The following WFDC1 variants were observed in gnomAD, a reference collection of about 807,000 sequenced individuals.
The protein encoded by WFDC1 is WAP four-disulfide core domain protein 1.
A neutral mutation model predicts 32.9 loss-of-function variants in WFDC1; 39 were observed. The observed-to-expected ratio is 1.19, with a 90% CI of 0.92 to 1.55. WFDC1 has a LOEUF of 1.55. Among genes scored for constraint, WFDC1 ranks in the 40% most tolerant of loss-of-function variants. The pLI, the probability that WFDC1 is intolerant of heterozygous loss-of-function variation, is 0.00. For missense variants in WFDC1, 386 were observed against 309.5 expected (o/e 1.25, Z -1.85); for synonymous variants, 184 against 137.4 (o/e 1.34, Z -2.37).
intron 1 of WFDC1, among the ~76,000 whole-genome samples, chr16:84,310,505 C>T (rs542162742): frequency 1.4e-5 from 2 of 140,812 alleles, no homozygotes; most frequent in East Asian, 1.9e-4. Context: ...AGAATGTGTA[C>T]ATGGTAAAAA....
intron 4 of WFDC1, among the ~76,000 whole-genome samples, chr16:84,321,936 T>C (rs1481476480): frequency 6.6e-6 from 1 of 152,186 alleles, no homozygotes; most frequent in Non-Finnish European, 1.5e-5. Flanking sequence ...GTAACCATAG[T>C]GACTACTTCA....
intron 1 of WFDC1, among the ~76,000 whole-genome samples, chr16:84,302,552 C>G (rs1037649637): frequency 2.6e-5 from 4 of 152,006 alleles, no homozygotes; most frequent in African/African-American, 7.2e-5. Context: ...AGCTTCACGC[C>G]CATCTCCTCC....
At position 84,299,821 on chromosome 16, in the gene WFDC1, G is replaced by C. The variant is rs766041439; in HGVS notation, c.144+4706G>C. Among the ~76,000 whole-genome samples the C allele has an allele frequency of 4.6e-5, 7 of 152,366 alleles. No individual in the cohort carries two copies. The East Asian group carries it at 7.7e-4, about 17-fold the overall frequency. ...CCCAGAGATGCCTGTCCTGCTGAGG[G>C]GGGCTGGGAGGGGCTAGAGCAGCCA... On this transcript the variant is annotated intron_variant, in intron 1 of 6. Coordinates refer to ENST00000219454, the MANE Select transcript of WFDC1 (RefSeq NM_021197.4).
At chr16:84,315,445 C>T (rs1907892673) in intron 2 of WFDC1, among the ~76,000 whole-genome samples, 3 of 152,194 alleles carry the variant, frequency 2.0e-5, no homozygotes, top group Admixed American at 1.3e-4. Flanking sequence ...GCATCTAAAA[C>T]GGTCTCTGGG....
At chr16:84,327,611 C>G (rs929102916) in intron 6 of WFDC1, 6 of 152,202 alleles carry the variant, frequency 3.9e-5, no homozygotes, top group African/African-American at 1.4e-4. Flanking sequence ...TAAATGAGGA[C>G]CTACTGCAAT....
intron 1 of WFDC1, among the ~76,000 whole-genome samples, chr16:84,310,927 T>C (rs393435): frequency 0.7 from 106,150 of 152,042 alleles, 37,385 homozygotes; most frequent in East Asian, 0.98. Context: ...GGAGGACTTG[T>C]GGGGAGGTAA....
intron 1 of WFDC1, among the ~76,000 whole-genome samples, chr16:84,310,770 G>A (rs1022161836): frequency 6.6e-6 from 1 of 152,176 alleles, no homozygotes; most frequent in African/African-American, 2.4e-5. Context: ...ATATCCTGGC[G>A]ATCTTTCATA....
chr16:84,316,906 A>C (rs1907982803), intron 2 of WFDC1: 1 of 151,874 alleles, frequency 6.6e-6, no homozygotes, highest in Middle Eastern at 3.2e-3. Context: ...TGAACCCGGA[A>C]GGCAGAGGTT....
chr16:84,311,527 CTTTTTTTTTTTT>C (rs35243949), intron 1 of WFDC1, among the ~76,000 whole-genome samples: 1 of 88,700 alleles, frequency 1.1e-5, no homozygotes, highest in Non-Finnish European at 2.0e-5. Context: ...TGCGCCTGGA[CTTTTTTTTTTTT>C]TTTTTTTTTA....
At position 84,294,998 on chromosome 16, in the gene WFDC1, C is replaced by T. The variant is rs1258471298; in HGVS notation, c.27C>T (p.Gly9=). 11 of 1,613,900 alleles carry T rather than the reference C, an allele frequency of 6.8e-6. No homozygotes were observed. The East Asian group carries it at 2.0e-4, about 29-fold the overall frequency. ...TGCCTTTAACCGGCGTGGGGCCGGG[C>T]AGCTGCAGGAGGCAGATCATCCGGG... is the stretch of plus-strand genomic sequence containing the variant. The part of the protein sequence containing the change: MPLTGVGP[G]SCRRQIIRAL... Residue 9 remains glycine, a synonymous_variant, in exon 1 of 7, where the codon GGC becomes GGT. Transcript: ENST00000219454.
chr16:84,324,821 C>T (rs1409827260), intron 5 of WFDC1, among the ~76,000 whole-genome samples: 3 of 152,178 alleles, frequency 2.0e-5, no homozygotes, highest in Admixed American at 6.5e-5. Flanking sequence ...TCCATCCATT[C>T]ATCCCTCCAT....
At chr16:84,297,653 C>T (rs1302769176) in intron 1 of WFDC1, among the ~76,000 whole-genome samples, 1 of 144,606 alleles carries the variant, frequency 6.9e-6, no homozygotes, top group South Asian at 2.2e-4. Flanking sequence ...AAAAACTGTG[C>T]CTCAGAGAAA....
chr16:84,307,961 G>C (rs985003165), intron 1 of WFDC1, among the ~76,000 whole-genome samples: 1 of 152,168 alleles, frequency 6.6e-6, no homozygotes, highest in Non-Finnish European at 1.5e-5. Context: ...CCACGCTCTG[G>C]TCTCCCCTCT....
intron 4 of WFDC1, among the ~76,000 whole-genome samples, chr16:84,322,011 A>G (rs146542343): frequency 5.6e-4 from 85 of 152,298 alleles, no homozygotes; most frequent in Middle Eastern, 3.4e-3. Flanking sequence ...CACCTGGCCC[A>G]CTGTAGGTCC....
intron 1 of WFDC1, among the ~76,000 whole-genome samples, chr16:84,300,659 A>C (rs8046560): frequency 0.041 from 6,229 of 152,100 alleles, 379 homozygotes; most frequent in African/African-American, 0.14. Context: ...CTTAATATGA[A>C]CCCCGTTCCT....
intron 1 of WFDC1, among the ~76,000 whole-genome samples, chr16:84,306,260 C>T (rs1051596081): frequency 6.6e-6 from 1 of 152,114 alleles, no homozygotes; most frequent in African/African-American, 2.4e-5. Context: ...ACTCCTACAC[C>T]TGAGCCCTTA....
intron 3 of WFDC1, chr16:84,318,987 A>G (rs1908133009): frequency 4.9e-6 from 1 of 205,434 alleles, no homozygotes; most frequent in African/African-American, 2.3e-5. Flanking sequence ...ATGTGTGGGT[A>G]AGCGTGTGTG....
intron 4 of WFDC1, among the ~76,000 whole-genome samples, chr16:84,322,152 T>TGTGTGC (rs778894716): frequency 0.039 from 3,671 of 94,420 alleles, 79 homozygotes; most frequent in South Asian, 0.083. Flanking sequence ...AGCCTGTGTG[T>TGTGTGC]GTGTGTGCGT....
At chr16:84,302,534 G>C (rs1318767099) in intron 1 of WFDC1, among the ~76,000 whole-genome samples, 1 of 151,922 alleles carries the variant, frequency 6.6e-6, no homozygotes, top group Non-Finnish European at 1.5e-5. Flanking sequence ...CGGCTCGTGG[G>C]TCATCGTAGC....
Sources: allele counts gnomAD v4.1 joint callset (sites outside exome capture counted in the v4.1 genomes callset), GRCh38; gene constraint gnomAD v4.1.1; transcripts MANE v1.5; gene names NCBI Gene and HGNC (gene_info 2026-07-23, HGNC 2026-07-21).